The following NLGN1 variants were observed in gnomAD, a reference collection of about 807,000 sequenced individuals.
The protein encoded by NLGN1 is neuroligin 1.
Under a neutral mutation model 65.5 loss-of-function variants are expected in NLGN1, and 12 were observed. That is an observed-to-expected ratio of 0.18 (90% CI 0.12 to 0.30). The LOEUF (loss-of-function observed/expected upper bound fraction) is 0.30, where lower values mean the gene tolerates loss of function less well. Ranked by LOEUF, NLGN1 falls within the 10% of genes least tolerant of loss-of-function variation. The pLI, the probability that NLGN1 is intolerant of heterozygous loss-of-function variation, is 1.00. For synonymous variants in NLGN1, 350 were observed against 359.5 expected (o/e 0.97, Z 0.30); for missense variants, 750 against 1,007.1 (o/e 0.74, Z 3.46).
intron 3 of NLGN1, among the ~76,000 whole-genome samples, chr3:173,700,591 A>G (rs982136568): frequency 1.3e-5 from 2 of 152,220 alleles, no homozygotes; most frequent in African/African-American, 4.8e-5. Flanking sequence ...ACATAATTAA[A>G]TGCCTGTTTT....
intron 3 of NLGN1, among the ~76,000 whole-genome samples, chr3:173,800,802 A>G (rs992819456): frequency 1.3e-5 from 2 of 151,966 alleles, no homozygotes; most frequent in Non-Finnish European, 2.9e-5. Flanking sequence ...CACACACCCA[A>G]TAAAATGAAG....
chr3:173,897,836 C>T (rs1356203822), intron 4 of NLGN1, among the ~76,000 whole-genome samples: 2 of 152,108 alleles, frequency 1.3e-5, no homozygotes, highest in Non-Finnish European at 2.9e-5. Flanking sequence ...ACTCATGTTA[C>T]AAATCAATAC....
intron 4 of NLGN1, among the ~76,000 whole-genome samples, chr3:173,836,473 G>A (rs1462727335): frequency 6.6e-6 from 1 of 151,892 alleles, no homozygotes; most frequent in African/African-American, 2.4e-5. Flanking sequence ...GCAAATCAGA[G>A]GATTTTGTAA....
Position 174,280,463 on chromosome 3 carries a change from TTA to T in NLGN1, c.1650-16_1650-15del, listed in dbSNP as rs1751349551. On this transcript the variant is annotated splice_polypyrimidine_tract_variant and intron_variant, in intron 6 of 6. Transcript: ENST00000457714. This position sits in a 1 kb window ranked among gnomAD's most constrained non-coding sequence, Gnocchi z 4.9. ...AATAAAATAGCTTTATTCTCATAAT[TTA>T]TCTTTTCCTTCTTAGTGACCCAAAT... 1 of 1,522,252 alleles carries T rather than the reference TTA, an allele frequency of 6.6e-7. No homozygotes were observed. The highest frequency in any genetic ancestry group is 2.0e-5 in the Admixed American group (1 of 48,790). 94.3% of individuals were successfully genotyped at this position (1,522,252 alleles called of 1,614,324 possible). A position where few individuals can be genotyped will look rare whatever the true frequency, so the allele number is the denominator to read the frequency against.
intron 2 of NLGN1, among the ~76,000 whole-genome samples, chr3:173,583,779 T>C (rs752039593): frequency 6.6e-6 from 1 of 152,170 alleles, no homozygotes; most frequent in African/African-American, 2.4e-5. Context: ...TAATGACTCT[T>C]AGGTCTTGTT....
chr3:173,850,968 C>T (rs889382840), intron 4 of NLGN1, among the ~76,000 whole-genome samples: 12 of 151,990 alleles, frequency 7.9e-5, no homozygotes, highest in Non-Finnish European at 1.5e-4. Flanking sequence ...TGTTCTCAAA[C>T]CCCTGAGCTC....
chr3:173,447,029 A>C (rs1720496692), intron 2 of NLGN1, among the ~76,000 whole-genome samples: 1 of 152,032 alleles, frequency 6.6e-6, no homozygotes, highest in Admixed American at 6.6e-5. Context: ...GTTCACTCTG[A>C]TGGTGGTTTC....
chr3:174,049,499 A>G (rs763482596), intron 4 of NLGN1, among the ~76,000 whole-genome samples: 2 of 152,050 alleles, frequency 1.3e-5, no homozygotes, highest in African/African-American at 2.4e-5. Flanking sequence ...GTCACAGTAG[A>G]AATGAAAAGA....
chr3:173,877,887 A>C (rs1322541633), intron 4 of NLGN1, among the ~76,000 whole-genome samples: 1 of 152,158 alleles, frequency 6.6e-6, no homozygotes, highest in Non-Finnish European at 1.5e-5. Context: ...ACTGAGGCAA[A>C]CAGAGAGTTT....
intron 5 of NLGN1, 85 bp downstream of exon 5, chr3:174,275,612 C>A: frequency 1.3e-6 from 1 of 778,622 alleles, no homozygotes; most frequent in Non-Finnish European, 2.2e-6. Context: ...GTATATTTCT[C>A]TGTTCAAACT....
At chr3:173,517,942 G>A (rs1577069306) in intron 2 of NLGN1, among the ~76,000 whole-genome samples, 1 of 152,224 alleles carries the variant, frequency 6.6e-6, no homozygotes, top group South Asian at 2.1e-4. Context: ...GTTCAAACCT[G>A]TGACATAAAA....
intron 4 of NLGN1, among the ~76,000 whole-genome samples, chr3:174,209,388 T>A (rs1736020741): frequency 6.6e-6 from 1 of 152,180 alleles, no homozygotes; most frequent in Non-Finnish European, 1.5e-5. Flanking sequence ...TCACGAGGTT[T>A]GTTGCTTGTC....
chr3:174,291,158 A>T (rs1752726878), downstream of NLGN1, among the ~76,000 whole-genome samples: 1 of 150,470 alleles, frequency 6.6e-6, no homozygotes, highest in East Asian at 1.9e-4. Context: ...AAAAAGTTTC[A>T]AAAAAGAAGG....
At chr3:173,768,333 A>C (rs1779070407) in intron 3 of NLGN1, among the ~76,000 whole-genome samples, 1 of 152,150 alleles carries the variant, frequency 6.6e-6, no homozygotes, top group Admixed American at 6.6e-5. Flanking sequence ...CTCAGTTGTC[A>C]GTTGCTTGAG....
At chr3:173,639,532 A>G (rs993616742) in intron 3 of NLGN1, among the ~76,000 whole-genome samples, 3 of 152,180 alleles carry the variant, frequency 2.0e-5, no homozygotes, top group African/African-American at 7.2e-5. Context: ...TTAGACATGG[A>G]GGACTGTTAT....
At chr3:173,679,947 T>G (rs1763733163) in intron 3 of NLGN1, among the ~76,000 whole-genome samples, 1 of 152,038 alleles carries the variant, frequency 6.6e-6, no homozygotes, top group Non-Finnish European at 1.5e-5. Flanking sequence ...AAACAATTAA[T>G]TATGACTGTG....
At chr3:173,889,490 CA>C (rs1024348204) in intron 4 of NLGN1, among the ~76,000 whole-genome samples, 3 of 152,082 alleles carry the variant, frequency 2.0e-5, no homozygotes, top group African/African-American at 7.2e-5. Flanking sequence ...ATGGCATGAC[CA>C]TTTAGTTGTG....
intron 3 of NLGN1, among the ~76,000 whole-genome samples, chr3:173,618,311 C>T (rs968580048): frequency 6.6e-6 from 1 of 152,074 alleles, no homozygotes; most frequent in Non-Finnish European, 1.5e-5. Context: ...ATCCTCCTGC[C>T]TCAGCATCTT....
At chr3:173,664,255 C>T (rs1761388688) in intron 3 of NLGN1, among the ~76,000 whole-genome samples, 1 of 151,978 alleles carries the variant, frequency 6.6e-6, no homozygotes, top group South Asian at 2.1e-4. Context: ...GCTATTCTCC[C>T]AATTGGACCT....
Sources: allele counts gnomAD v4.1 joint callset (sites outside exome capture counted in the v4.1 genomes callset), GRCh38; gene constraint gnomAD v4.1.1; non-coding constraint Gnocchi (gnomAD v3.1); transcripts MANE v1.5; gene names NCBI Gene and HGNC (gene_info 2026-07-23, HGNC 2026-07-21).